The following ATXN7 variants were observed in gnomAD, a reference collection of about 807,000 sequenced individuals.
The protein encoded by ATXN7 is ataxin-7.
Under a neutral mutation model 70.5 loss-of-function variants are expected in ATXN7, and 12 were observed. That is an observed-to-expected ratio of 0.17 (90% CI 0.11 to 0.28). The LOEUF (loss-of-function observed/expected upper bound fraction) is 0.28. ATXN7 is among the 10% of genes least tolerant of loss of function. ATXN7 has a pLI of 1.00. For missense variants in ATXN7, 1,256 were observed against 1,131.7 expected, an observed-to-expected ratio of 1.11 and a Z score of -1.58; for synonymous variants, 498 against 448.7, an observed-to-expected ratio of 1.11 and a Z score of -1.39.
Position 63,910,548 on chromosome 3 carries a change from TA to T in ATXN7, c.-11-2039del, listed in dbSNP as rs538147280. Among the ~76,000 whole-genome samples the T allele has an allele frequency of 1.7e-4, 26 of 152,326 alleles. 1 individual carries two copies. In the South Asian group the frequency reaches 5.0e-3, roughly 29 times the overall value. On this transcript the variant is annotated intron_variant, in intron 2 of 12. Transcript: ENST00000674280. ...ATGAATGAAAAATTGAAAATCTGCA[TA>T]GGGGTCATCTAAGCTATGTTAAAAG... is the stretch of plus-strand genomic sequence containing the variant.
At position 63,912,684 on chromosome 3, in the gene ATXN7, G is replaced by GGCAGCGGCA. The variant is rs1553686098; in HGVS notation, c.91_92insGGCAGCAGC (p.Gln30_Gln31insArgGlnGln). ...GGCGGAGCAGCGGCCGCGGCCGCCC[G>GGCAGCGGCA]GCAGCAGCAGCAGCAGCAGCAGCAG... On this transcript the variant is annotated inframe_insertion, in exon 3 of 13. Transcript: ENST00000674280. 1 of 1,086,974 alleles carries GGCAGCGGCA rather than the reference G, an allele frequency of 9.2e-7. No homozygotes were observed. The highest frequency in any genetic ancestry group is 1.1e-6 in the Non-Finnish European group (1 of 892,730). 67.3% of individuals were successfully genotyped at this position (1,086,974 alleles called of 1,614,324 possible).
At position 63,995,940 on chromosome 3, in the gene ATXN7, A is replaced by G; in HGVS notation, c.2118A>G (p.Lys706=). Reference sequence around the variant, plus strand: ...GTACCAGTGGCGGCTCAGGAAAGAAACGCAAAAACAGTTCCCCACTGTTGG... The same window carrying G: ...GTACCAGTGGCGGCTCAGGAAAGAAGCGCAAAAACAGTTCCCCACTGTTGG... ...SSSTSGGSGK[K]RKNSSPLLVH... is the part of the protein sequence containing the mutation. Residue 706 remains lysine (K), a synonymous_variant, in exon 12 of 13, where the codon AAA becomes AAG. Transcript: ENST00000674280. 1 of 1,614,182 alleles carries G rather than the reference A, an allele frequency of 6.2e-7. No individual in the cohort carries two copies. Among genetic ancestry groups the G allele is most frequent in the Non-Finnish European group, 8.5e-7 (1 of 1,180,034 alleles).
rs781542284 is a variant in ATXN7, at chr3:63,995,727, G to A, written c.1905G>A (p.Met635Ile). The A allele has an allele frequency of 4.3e-6, 7 of 1,614,086 alleles. No homozygotes were observed. The Admixed American group carries it at 1.2e-4, about 27-fold the overall frequency. Residue 635 changes from methionine to isoleucine, a missense_variant, in exon 12 of 13, where the codon ATG becomes ATA. Coordinates refer to ENST00000674280, the MANE Select transcript of ATXN7 (RefSeq NM_001377405.1). Reference sequence around the variant, plus strand: ...CACAGCCTGCTGCTTCAGGGGCGATGGATCCTGTGTGCAGTATGCAATCCA... The same window carrying A: ...CACAGCCTGCTGCTTCAGGGGCGATAGATCCTGTGTGCAGTATGCAATCCA... ...LNAQPAASGA[M>I]DPVCSMQSRQ...
chr3:63,976,435 CAA>C (rs2075389393), intron 5 of ATXN7, among the ~76,000 whole-genome samples: 1 of 152,110 alleles, frequency 6.6e-6, no homozygotes, highest in African/African-American at 2.4e-5. Context: ...CAATCTGTTT[CAA>C]GTTTTAATGA....
At chr3:63,936,019 T>A (rs975395458) in intron 4 of ATXN7, among the ~76,000 whole-genome samples, 8 of 152,256 alleles carry the variant, frequency 5.3e-5, no homozygotes, top group Non-Finnish European at 1.2e-4. Context: ...CATATTGTTT[T>A]GAAATATGCT....
intron 1 of ATXN7, among the ~76,000 whole-genome samples, chr3:63,888,806 T>G (rs1218518477): frequency 1.3e-5 from 2 of 152,022 alleles, no homozygotes; most frequent in Non-Finnish European, 2.9e-5. Flanking sequence ...CAGATCTCCC[T>G]TGTGCTACCC....
intron 11 of ATXN7, among the ~76,000 whole-genome samples, chr3:63,992,680 A>G (rs192520590): frequency 6.6e-6 from 1 of 152,098 alleles, no homozygotes; most frequent in African/African-American, 2.4e-5. Flanking sequence ...TCTGCTGTCT[A>G]CTCTGTTCTG....
intron 1 of ATXN7, among the ~76,000 whole-genome samples, chr3:63,872,127 A>C (rs1702613163): frequency 6.6e-6 from 1 of 152,078 alleles, no homozygotes; most frequent in Non-Finnish European, 1.5e-5. Context: ...GACGAATGAG[A>C]AACGTAACCA....
At chr3:63,895,735 T>TTC (rs531627653) in intron 1 of ATXN7, among the ~76,000 whole-genome samples, 12 of 151,426 alleles carry the variant, frequency 7.9e-5, no homozygotes, top group Admixed American at 2.0e-4. Flanking sequence ...CTTTCTCCTT[T>TTC]TCTCTCTCTC....
At chr3:63,991,024 A>C in intron 11 of ATXN7, 165 bp downstream of exon 11, 1 of 932,986 alleles carries the variant, frequency 1.1e-6, no homozygotes, top group Non-Finnish European at 1.6e-6. Context: ...TTACCCCTTT[A>C]CCCCACAACT....
At chr3:63,886,997 G>A (rs1364244001) in intron 1 of ATXN7, among the ~76,000 whole-genome samples, 5 of 152,138 alleles carry the variant, frequency 3.3e-5, no homozygotes, top group Non-Finnish European at 7.3e-5. Flanking sequence ...TCAGAGGGTA[G>A]GAGAAATGAA....
chr3:63,952,337 C>A lies in ATXN7; in HGVS notation c.395-42C>A. On this transcript the variant is annotated intron_variant, in intron 4 of 12. Coordinates refer to ENST00000674280, the MANE Select transcript of ATXN7 (RefSeq NM_001377405.1). ...TTTCCCAAAATGGTTTTATATCAGT[C>A]AGAACCAGATGAGTGAGTGATGCTC... 3 of 1,497,456 alleles carry A rather than the reference C, an allele frequency of 2.0e-6. No homozygotes were observed. In the South Asian group the frequency reaches 3.6e-5, roughly 18 times the overall value. 92.8% of individuals were successfully genotyped at this position (1,497,456 alleles called of 1,614,324 possible). A position where few individuals can be genotyped will look rare whatever the true frequency, so the allele number is the denominator to read the frequency against.
At chr3:63,921,194 T>C (rs1704498118) in intron 4 of ATXN7, among the ~76,000 whole-genome samples, 1 of 152,204 alleles carries the variant, frequency 6.6e-6, no homozygotes. Context: ...TTCTCTTATA[T>C]GTAAGCATAT....
At chr3:63,991,466 A>C (rs2075670764) in intron 11 of ATXN7, among the ~76,000 whole-genome samples, 1 of 152,128 alleles carries the variant, frequency 6.6e-6, no homozygotes, top group African/African-American at 2.4e-5. Flanking sequence ...CTGAAGAAAG[A>C]GGCAGTCCTT....
At chr3:63,865,590 T>C (rs986561088) in intron 1 of ATXN7, among the ~76,000 whole-genome samples, 6 of 151,946 alleles carry the variant, frequency 3.9e-5, no homozygotes, top group African/African-American at 1.2e-4. Context: ...GGGATAGTTA[T>C]TGTTTAGAAA....
chr3:63,913,850 A>G lies in ATXN7; in HGVS notation c.394+625A>G, dbSNP rs554458300. 8.9e-4 allele frequency among the ~76,000 whole-genome samples: 136 copies of G among 152,292 alleles called. 1 individual carries two copies. The highest frequency in any genetic ancestry group is 3.9e-3 in the South Asian group (19 of 4,818). ...ATTTGTTAGTTTTAAACTGTTTGGT[A>G]AAAAGATACACTAGGGAAATAGGGT... is the stretch of plus-strand genomic sequence containing the variant. On this transcript the variant is annotated intron_variant, in intron 4 of 12. Transcript: ENST00000674280.
At chr3:63,935,026 C>CT (rs1455320643) in intron 4 of ATXN7, among the ~76,000 whole-genome samples, 86 of 152,246 alleles carry the variant, frequency 5.6e-4, no homozygotes, top group African/African-American at 1.9e-3. Flanking sequence ...AAAACCACAA[C>CT]TTTAATATAT....
At chr3:63,998,291 C>G (rs1186034916) in intron 12 of ATXN7, 2 of 984,884 alleles carry the variant, frequency 2.0e-6, no homozygotes, top group East Asian at 1.1e-4. Context: ...ACATTTGTTA[C>G]CAGTTTTAAA....
At chr3:63,961,057 C>A (rs1233413901) in intron 5 of ATXN7, among the ~76,000 whole-genome samples, 1 of 151,984 alleles carries the variant, frequency 6.6e-6, no homozygotes, top group Non-Finnish European at 1.5e-5. Context: ...AATTAAACAA[C>A]CAGAGGATAA....
Sources: allele counts gnomAD v4.1 joint callset (sites outside exome capture counted in the v4.1 genomes callset), GRCh38; gene constraint gnomAD v4.1.1; transcripts MANE v1.5; gene names NCBI Gene and HGNC (gene_info 2026-07-23, HGNC 2026-07-21).